NKAIN3: variants seen among roughly 807,000 people sequenced by gnomAD.
NKAIN3 encodes the protein sodium/potassium transporting ATPase interacting 3.
Under a neutral mutation model 30.2 loss-of-function variants are expected in NKAIN3, and 25 were observed. That is an observed-to-expected ratio of 0.83 (90% CI 0.60 to 1.16). The LOEUF (loss-of-function observed/expected upper bound fraction) is 1.16, where lower values mean the gene tolerates loss of function less well. NKAIN3 is among the 50% of genes most tolerant of loss of function. The pLI is 0.00. For missense variants in NKAIN3, 225 were observed against 254.1 expected (o/e 0.89, Z 0.78); for synonymous variants, 91 against 89.6 (o/e 1.02, Z -0.09).
At chr8:62,932,312 C>A (rs1822647033) in intron 5 of NKAIN3, among the ~76,000 whole-genome samples, 1 of 152,186 alleles carries the variant, frequency 6.6e-6, no homozygotes, top group Non-Finnish European at 1.5e-5. Context: ...GCCAGAAGAT[C>A]TTACATTCTA....
chr8:62,457,357 C>T (rs1305996253), intron 1 of NKAIN3, among the ~76,000 whole-genome samples: 2 of 152,194 alleles, frequency 1.3e-5, no homozygotes, highest in African/African-American at 4.8e-5. Context: ...AGTGTTCACA[C>T]ATGAGCAAAG....
At chr8:62,756,442 C>T (rs1816455261) in intron 4 of NKAIN3, among the ~76,000 whole-genome samples, 1 of 152,042 alleles carries the variant, frequency 6.6e-6, no homozygotes, top group African/African-American at 2.4e-5. Flanking sequence ...CATACATTTA[C>T]TCTTAATATC....
intron 4 of NKAIN3, among the ~76,000 whole-genome samples, chr8:62,845,640 G>T (rs913121333): frequency 1.6e-4 from 24 of 152,068 alleles, no homozygotes; most frequent in African/African-American, 5.8e-4. Context: ...AGAGAAAAGA[G>T]AATTTTAAAC....
chr8:62,844,799 C>T (rs187568083), intron 4 of NKAIN3, among the ~76,000 whole-genome samples: 1 of 152,110 alleles, frequency 6.6e-6, no homozygotes, highest in Admixed American at 6.6e-5. Context: ...GGTGGCTGTC[C>T]CCATTTGGGC....
intron 4 of NKAIN3, among the ~76,000 whole-genome samples, chr8:62,897,263 T>C (rs1009358769): frequency 6.6e-6 from 1 of 152,196 alleles, no homozygotes; most frequent in Non-Finnish European, 1.5e-5. Flanking sequence ...AGTCTTACAC[T>C]CAACAAAGTA....
At chr8:62,957,131 A>G (rs1310891974) in intron 6 of NKAIN3, among the ~76,000 whole-genome samples, 1 of 125,860 alleles carries the variant, frequency 7.9e-6, no homozygotes, top group Non-Finnish European at 1.6e-5. Context: ...ACCGATATTT[A>G]TAGCAGCCTT....
At chr8:62,423,458 A>C (rs958977450) in intron 1 of NKAIN3, among the ~76,000 whole-genome samples, 4 of 150,102 alleles carry the variant, frequency 2.7e-5, no homozygotes, top group Non-Finnish European at 4.4e-5. Context: ...ACATATATTC[A>C]TCTATTCACA....
At chr8:62,318,062 G>A (rs1219676923) in intron 1 of NKAIN3, among the ~76,000 whole-genome samples, 7 of 152,298 alleles carry the variant, frequency 4.6e-5, no homozygotes, top group African/African-American at 1.4e-4. Context: ...ATTTACTCAT[G>A]ATTTGGCTCT....
At chr8:62,946,171 T>C (rs1451909977) in intron 5 of NKAIN3, among the ~76,000 whole-genome samples, 2 of 152,154 alleles carry the variant, frequency 1.3e-5, no homozygotes, top group African/African-American at 4.8e-5. Flanking sequence ...AGCTGGCACT[T>C]GGGCATCATC....
chr8:62,448,880 C>A (rs985211681), intron 1 of NKAIN3, among the ~76,000 whole-genome samples: 2 of 151,790 alleles, frequency 1.3e-5, no homozygotes, highest in Non-Finnish European at 3.0e-5. Flanking sequence ...TTTTTTCCTT[C>A]TTTGGTGGTA....
At chr8:62,454,941 T>C (rs963271361) in intron 1 of NKAIN3, among the ~76,000 whole-genome samples, 5 of 152,222 alleles carry the variant, frequency 3.3e-5, no homozygotes, top group African/African-American at 9.6e-5. Context: ...CTGAATATCA[T>C]TGTGATACAA....
Position 62,249,143 on chromosome 8 carries a change from GC to G in NKAIN3, c.54+20del. 6.5e-7 allele frequency: 1 copy of G among 1,529,452 alleles called. No homozygotes were observed. 94.7% of individuals were successfully genotyped at this position (1,529,452 alleles called of 1,614,324 possible). The stretch of plus-strand genomic sequence containing the variant: ...GCTGCAGTTGGTGAGTGCCCCGAGG[GC>G]CCCTGCCCCAGGACAGGTCCCTGCT... On this transcript the variant is annotated intron_variant, in intron 1 of 6. Coordinates refer to ENST00000623646, the MANE Select transcript of NKAIN3 (RefSeq NM_001304533.3).
chr8:62,721,617 G>A (rs1815095447), intron 3 of NKAIN3, among the ~76,000 whole-genome samples: 1 of 152,064 alleles, frequency 6.6e-6, no homozygotes, highest in Non-Finnish European at 1.5e-5. Flanking sequence ...TTAGAGTAGA[G>A]AACAATGACT....
chr8:62,367,361 A>C (rs915541171), intron 1 of NKAIN3, among the ~76,000 whole-genome samples: 25 of 152,208 alleles, frequency 1.6e-4, no homozygotes, highest in African/African-American at 6.0e-4. Flanking sequence ...CATTAAAAAC[A>C]CCATACATCA....
Position 62,692,325 on chromosome 8 carries a change from G to C in NKAIN3, c.274-54607G>C, listed in dbSNP as rs111290884. Among the ~76,000 whole-genome samples the C allele has an allele frequency of 3.1e-3, 470 of 152,282 alleles. 1 individual carries two copies. Among genetic ancestry groups the C allele is most frequent in the Middle Eastern group, 0.02 (6 of 294 alleles). On this transcript the variant is annotated intron_variant, in intron 3 of 6. Coordinates refer to ENST00000623646, the MANE Select transcript of NKAIN3 (RefSeq NM_001304533.3). ...CCACAAACTTCAAAGATAAGTAGAA[G>C]CACAACTGGCAAAGATAATGTGTAA...
chr8:62,407,635 G>T (rs1046165036), intron 1 of NKAIN3, among the ~76,000 whole-genome samples: 3 of 152,178 alleles, frequency 2.0e-5, no homozygotes, highest in Non-Finnish European at 4.4e-5. Flanking sequence ...GTTTCACCGT[G>T]TGAGCCAGGA....
At chr8:62,883,004 G>T (rs1248171490) in intron 4 of NKAIN3, among the ~76,000 whole-genome samples, 1 of 152,118 alleles carries the variant, frequency 6.6e-6, no homozygotes, top group Non-Finnish European at 1.5e-5. Flanking sequence ...GTAACAGTCT[G>T]CCAACTTTTT....
intron 4 of NKAIN3, among the ~76,000 whole-genome samples, chr8:62,866,293 G>T (rs1293511462): frequency 6.6e-6 from 1 of 152,168 alleles, no homozygotes; most frequent in Non-Finnish European, 1.5e-5. Context: ...ACAAGGTATG[G>T]TATATACAAT....
chr8:62,343,126 T>G (rs545152091), intron 1 of NKAIN3, among the ~76,000 whole-genome samples: 14 of 152,210 alleles, frequency 9.2e-5, no homozygotes, highest in African/African-American at 3.4e-4. Flanking sequence ...CTTTGGAGCC[T>G]GCATAAGAGT....
Sources: allele counts gnomAD v4.1 joint callset (sites outside exome capture counted in the v4.1 genomes callset), GRCh38; gene constraint gnomAD v4.1.1; transcripts MANE v1.5; gene names NCBI Gene and HGNC (gene_info 2026-07-23, HGNC 2026-07-21).